SLC4A5: variants seen among roughly 807,000 people sequenced by gnomAD.
SLC4A5 encodes electrogenic sodium bicarbonate cotransporter 4.
In SLC4A5, 96 loss-of-function variants were observed where a neutral mutation model predicts 120.4. The ratio of observed to expected loss-of-function variants is 0.80; its 90% CI spans 0.68 to 0.94. The LOEUF is 0.94. SLC4A5 is among the 40% of genes least tolerant of loss of function. The pLI is 0.00. For missense variants in SLC4A5, 1,259 were observed against 1,459.5 expected, an observed-to-expected ratio of 0.86 and a Z score of 2.24; for synonymous variants, 550 against 571.1, an observed-to-expected ratio of 0.96 and a Z score of 0.53.
intron 30 of SLC4A5, among the ~76,000 whole-genome samples, chr2:74,220,571 C>G (rs887280963): frequency 6.6e-6 from 1 of 151,916 alleles, no homozygotes; most frequent in African/African-American, 2.4e-5. Context: ...GGCTGGAGTG[C>G]AGTGGCGTGA....
At chr2:74,287,369 T>C (rs886762854) in intron 7 of SLC4A5, among the ~76,000 whole-genome samples, 5 of 151,746 alleles carry the variant, frequency 3.3e-5, no homozygotes, top group African/African-American at 1.2e-4. Context: ...TCAAATAGAA[T>C]CCCAATCCAG....
chr2:74,276,147 A>G (rs995580034), intron 8 of SLC4A5, among the ~76,000 whole-genome samples: 8 of 152,136 alleles, frequency 5.3e-5, no homozygotes, highest in African/African-American at 1.4e-4. Context: ...AAAGGAGAGG[A>G]GAAGGAGAGA....
At position 74,293,242 on chromosome 2, in the gene SLC4A5, A is replaced by T. The variant is rs185060890; in HGVS notation, c.272-7340T>A. ...ACATTCTTTTTCTAGAAGGCTGTAT[A>T]CAAACTCCAAGTGTGCCCTCTGAGA... On this transcript the variant is annotated intron_variant, in intron 7 of 30. Coordinates refer to ENST00000394019, the Ensembl canonical transcript of SLC4A5. Among the ~76,000 whole-genome samples, 6 of 152,290 alleles carry T rather than the reference A, an allele frequency of 3.9e-5. No individual in the cohort carries two copies. The South Asian group carries it at 6.2e-4, about 16-fold the overall frequency.
chr2:74,306,723 G>T, intron 6 of SLC4A5: 2 of 1,209,686 alleles, frequency 1.7e-6, no homozygotes, highest in Non-Finnish European at 2.3e-6. Flanking sequence ...GCTTCTGCTG[G>T]CTTAATGTCT....
intron 19 of SLC4A5, among the ~76,000 whole-genome samples, chr2:74,245,483 C>T (rs1670582528): frequency 6.6e-6 from 1 of 152,136 alleles, no homozygotes; most frequent in African/African-American, 2.4e-5. Flanking sequence ...TGGGGCTTCC[C>T]CACAGAGGCA....
At chr2:74,237,077 T>C (rs1334638320) in intron 21 of SLC4A5, among the ~76,000 whole-genome samples, 2 of 151,290 alleles carry the variant, frequency 1.3e-5, no homozygotes, top group Non-Finnish European at 2.9e-5. Context: ...CCCGGGTTCA[T>C]GCCATTCTCC....
chr2:74,261,756 T>A (rs1196459922), intron 11 of SLC4A5, among the ~76,000 whole-genome samples: 2 of 152,174 alleles, frequency 1.3e-5, no homozygotes, highest in African/African-American at 4.8e-5. Context: ...GCTGCCTGAC[T>A]GAACTGAAGG....
chr2:74,257,308 CAT>C (rs1050662400), intron 12 of SLC4A5, among the ~76,000 whole-genome samples: 3 of 152,028 alleles, frequency 2.0e-5, no homozygotes, highest in African/African-American at 7.3e-5. Flanking sequence ...AGGATCCTAA[CAT>C]AGTGAGAAAA....
chr2:74,287,931 C>T (rs1485815058), intron 7 of SLC4A5, among the ~76,000 whole-genome samples: 1 of 152,056 alleles, frequency 6.6e-6, no homozygotes, highest in Non-Finnish European at 1.5e-5. Context: ...TTCTTTTACC[C>T]ATACTTCCTA....
intron 5 of SLC4A5, among the ~76,000 whole-genome samples, chr2:74,315,674 T>C (rs2104300186): frequency 6.6e-6 from 1 of 150,864 alleles, no homozygotes; most frequent in South Asian, 2.1e-4. Flanking sequence ...TGTGCTGTAG[T>C]GCTAAGCTAC....
At chr2:74,303,169 G>T (rs1558904105) in intron 7 of SLC4A5, among the ~76,000 whole-genome samples, 1 of 151,728 alleles carries the variant, frequency 6.6e-6, no homozygotes, top group Non-Finnish European at 1.5e-5. Context: ...CTCTTACACT[G>T]GACTCCTCCA....
At chr2:74,221,697 G>T (rs542369594) in intron 29 of SLC4A5, among the ~76,000 whole-genome samples, 196 bp from the exon 30 acceptor site, 1 of 152,152 alleles carries the variant, frequency 6.6e-6, no homozygotes, top group African/African-American at 2.4e-5. Flanking sequence ...CCAGGGCTAG[G>T]GGGTGTGAGG....
intron 24 of SLC4A5, among the ~76,000 whole-genome samples, chr2:74,231,630 G>C (rs924071389): frequency 2.0e-5 from 3 of 152,242 alleles, no homozygotes; most frequent in African/African-American, 4.8e-5. Flanking sequence ...CATTGGGCAG[G>C]AGCCTGCCCA....
intron 25 of SLC4A5, among the ~76,000 whole-genome samples, chr2:74,229,660 C>G (rs1694991171): frequency 6.6e-6 from 1 of 152,094 alleles, no homozygotes; most frequent in Non-Finnish European, 1.5e-5. Context: ...TAGTCCCTGG[C>G]CATTTAAAAT....
intron 23 of SLC4A5, 31 bp from the exon 24 acceptor site, chr2:74,232,678 T>C (rs1331544426): frequency 3.1e-6 from 5 of 1,605,230 alleles, no homozygotes; most frequent in Non-Finnish European, 4.2e-6. Context: ...GAGGGAGAAG[T>C]TTCTGGGGAG....
chr2:74,234,417 T>C (rs1236551499), intron 22 of SLC4A5, among the ~76,000 whole-genome samples: 1 of 152,184 alleles, frequency 6.6e-6, no homozygotes. Flanking sequence ...CACCTCATGA[T>C]CCGCCCACCT....
At chr2:74,309,238 A>T (rs920181370) in intron 6 of SLC4A5, among the ~76,000 whole-genome samples, 2 of 151,408 alleles carry the variant, frequency 1.3e-5, no homozygotes, top group Admixed American at 6.6e-5. Context: ...TTTTTTTTTT[A>T]AACATATGAA....
At chr2:74,264,354 T>C (rs1671235158) in intron 9 of SLC4A5, 55 bp from the exon 10 acceptor site, 4 of 1,548,896 alleles carry the variant, frequency 2.6e-6, no homozygotes, top group Admixed American at 1.9e-5. Flanking sequence ...CTCCAGGGTA[T>C]GGAAGTCTTC....
intron 8 of SLC4A5, among the ~76,000 whole-genome samples, chr2:74,278,964 C>G (rs10165067): frequency 0.35 from 52,810 of 152,158 alleles, 13,147 homozygotes; most frequent in East Asian, 0.74. Context: ...CCTCAAACCA[C>G]AGACCGGCCT....
Sources: gnomAD v4.1 joint callset for allele counts (sites outside exome capture counted in the v4.1 genomes callset) on GRCh38, gnomAD v4.1.1 for gene constraint, MANE v1.5 for transcripts, NCBI Gene and HGNC (gene_info 2026-07-23, HGNC 2026-07-21) for gene names.